KLHL1: variants seen among roughly 807,000 people sequenced by gnomAD.
KLHL1 encodes kelch-like protein 1.
KLHL1 carries 47 observed loss-of-function variants against 77.7 expected under a neutral mutation model. That is an observed-to-expected ratio of 0.60 (90% CI 0.48 to 0.77). KLHL1 has a LOEUF of 0.77. KLHL1 is among the 30% of genes least tolerant of loss of function. The pLI, the probability that KLHL1 is intolerant of heterozygous loss-of-function variation, is 0.00. For synonymous variants in KLHL1, 360 were observed against 325.2 expected (o/e 1.11, Z -1.15); for missense variants, 925 against 910.8 (o/e 1.02, Z -0.20).
intron 1 of KLHL1, among the ~76,000 whole-genome samples, chr13:70,049,612 GTTTA>G (rs1360494698): frequency 1.3e-5 from 2 of 151,974 alleles, no homozygotes; most frequent in Non-Finnish European, 2.9e-5. Context: ...ACTTATAATA[GTTTA>G]TTTACACAGA....
At chr13:69,835,559 T>C (rs1429879855) in intron 6 of KLHL1, among the ~76,000 whole-genome samples, 1 of 152,150 alleles carries the variant, frequency 6.6e-6, no homozygotes, top group African/African-American at 2.4e-5. Context: ...GGCTCTAAGT[T>C]ACTGAGGCCT....
At chr13:69,773,096 G>A (rs567136823) in intron 7 of KLHL1, among the ~76,000 whole-genome samples, 6 of 152,020 alleles carry the variant, frequency 3.9e-5, no homozygotes, top group East Asian at 1.9e-4. Context: ...TTTGGAAAGC[G>A]GTGTGCAATG....
At chr13:69,779,817 A>C (rs1876040617) in intron 7 of KLHL1, among the ~76,000 whole-genome samples, 1 of 151,584 alleles carries the variant, frequency 6.6e-6, no homozygotes, top group Admixed American at 6.6e-5. Context: ...ATTTTATTTT[A>C]TTTTATATTT....
chr13:69,756,585 A>G (rs1874752538), intron 7 of KLHL1, among the ~76,000 whole-genome samples: 1 of 152,192 alleles, frequency 6.6e-6, no homozygotes, highest in African/African-American at 2.4e-5. Context: ...AGTAGAAAAG[A>G]AATGTGAAAA....
intron 6 of KLHL1, among the ~76,000 whole-genome samples, chr13:69,808,910 C>A (rs1877740980): frequency 6.6e-6 from 1 of 151,894 alleles, no homozygotes; most frequent in Non-Finnish European, 1.5e-5. Context: ...ACAAAAATTT[C>A]AAAATACAAT....
chr13:70,024,393 T>C (rs1156398994), intron 1 of KLHL1, among the ~76,000 whole-genome samples: 1 of 150,090 alleles, frequency 6.7e-6, no homozygotes, highest in Non-Finnish European at 1.5e-5. Flanking sequence ...GAGAGAGAGA[T>C]TGAGGAAAAA....
intron 4 of KLHL1, among the ~76,000 whole-genome samples, chr13:69,885,545 T>G (rs1027208364): frequency 6.6e-6 from 1 of 152,156 alleles, no homozygotes; most frequent in Non-Finnish European, 1.5e-5. Flanking sequence ...GTTCTGGAAA[T>G]TAGTTGTTTT....
At chr13:69,872,916 C>G (rs1880637688) in intron 5 of KLHL1, among the ~76,000 whole-genome samples, 1 of 152,134 alleles carries the variant, frequency 6.6e-6, no homozygotes, top group African/African-American at 2.4e-5. Context: ...ACCTCCAACA[C>G]TGGGGATTAA....
At chr13:69,712,041 A>G (rs546464551) in intron 9 of KLHL1, among the ~76,000 whole-genome samples, 1 of 152,142 alleles carries the variant, frequency 6.6e-6, no homozygotes, top group South Asian at 2.1e-4. Context: ...GTTCTTGTTC[A>G]AATCTTCTGC....
At chr13:70,036,932 A>T (rs537865350) in intron 1 of KLHL1, among the ~76,000 whole-genome samples, 1 of 132,742 alleles carries the variant, frequency 7.5e-6, no homozygotes, top group African/African-American at 2.8e-5. Context: ...GTTTGTAATT[A>T]TGTTAACAAA....
At chr13:69,912,286 G>A (rs1396118138) in intron 4 of KLHL1, among the ~76,000 whole-genome samples, 1 of 152,044 alleles carries the variant, frequency 6.6e-6, no homozygotes, top group African/African-American at 2.4e-5. Context: ...ACATAATGTA[G>A]TCCATTTCTA....
intron 2 of KLHL1, among the ~76,000 whole-genome samples, chr13:69,972,063 G>A (rs1003307790): frequency 6.6e-6 from 1 of 151,890 alleles, no homozygotes; most frequent in Admixed American, 6.6e-5. Flanking sequence ...TTAGGTGGAT[G>A]GATGATTTAG....
chr13:70,057,782 C>CAAAAAAA (rs60920874), intron 1 of KLHL1, among the ~76,000 whole-genome samples: 24 of 62,194 alleles, frequency 3.9e-4, no homozygotes, highest in East Asian at 1.1e-3. Flanking sequence ...GACTCCGTCT[C>CAAAAAAA]AAAAAAAAAA....
intron 1 of KLHL1, among the ~76,000 whole-genome samples, chr13:70,090,514 A>G (rs1399947418): frequency 6.6e-6 from 1 of 151,906 alleles, no homozygotes; most frequent in East Asian, 1.9e-4. Flanking sequence ...TTATTGATTG[A>G]CAGGTCATTA....
chr13:70,058,072 G>C (rs1886793067), intron 1 of KLHL1, among the ~76,000 whole-genome samples: 1 of 151,914 alleles, frequency 6.6e-6, no homozygotes, highest in Admixed American at 6.6e-5. Context: ...TTAAAAATCA[G>C]ATGATAGAAG....
intron 5 of KLHL1, among the ~76,000 whole-genome samples, chr13:69,862,103 AG>A (rs1417004356): frequency 6.6e-6 from 1 of 152,000 alleles, no homozygotes; most frequent in African/African-American, 2.4e-5. Flanking sequence ...AATTAGAATA[AG>A]GGACTCTAAT....
At chr13:69,713,715 TC>T (rs1875984370) in intron 9 of KLHL1, among the ~76,000 whole-genome samples, 1 of 149,964 alleles carries the variant, frequency 6.7e-6, no homozygotes, top group African/African-American at 2.5e-5. Flanking sequence ...TATTTTTTTT[TC>T]ATATTTTAGT....
intron 1 of KLHL1, among the ~76,000 whole-genome samples, chr13:69,987,904 G>T (rs1283988600): frequency 6.6e-6 from 1 of 151,642 alleles, no homozygotes; most frequent in Non-Finnish European, 1.5e-5. Context: ...AGAATAAACT[G>T]CTACTTACAA....
chr13:69,925,615 A>C (rs1333980533), intron 4 of KLHL1, among the ~76,000 whole-genome samples: 1 of 152,178 alleles, frequency 6.6e-6, no homozygotes, highest in Non-Finnish European at 1.5e-5. Context: ...TCTATCTGAA[A>C]TTATATATTA....
Sources: gnomAD v4.1 joint callset for allele counts (sites outside exome capture counted in the v4.1 genomes callset) on GRCh38, gnomAD v4.1.1 for gene constraint, MANE v1.5 for transcripts, NCBI Gene and HGNC (gene_info 2026-07-23, HGNC 2026-07-21) for gene names.